Variants in CLDN1 observed in about 807,000 individuals in gnomAD.
CLDN1 encodes the protein claudin-1.
In CLDN1, 12 loss-of-function variants were observed where a neutral mutation model predicts 22.6. The ratio of observed to expected loss-of-function variants is 0.53; its 90% CI spans 0.34 to 0.86. The LOEUF (loss-of-function observed/expected upper bound fraction) is 0.86, where lower values mean the gene tolerates loss of function less well. Ranked by LOEUF, CLDN1 falls within the 40% of genes least tolerant of loss-of-function variation. The pLI is 0.02. For synonymous variants in CLDN1, 99 were observed against 103.8 expected (o/e 0.95, Z 0.28); for missense variants, 250 against 269.5 (o/e 0.93, Z 0.51).
chr3:190,308,894 A>C (rs1035036854), intron 3 of CLDN1, among the ~76,000 whole-genome samples: 1 of 152,188 alleles, frequency 6.6e-6, no homozygotes, highest in South Asian at 2.1e-4. Context: ...GCACCTATAC[A>C]ATCTGAAATC....
chr3:190,313,473 T>C (rs185811082), intron 1 of CLDN1, among the ~76,000 whole-genome samples: 1 of 152,332 alleles, frequency 6.6e-6, no homozygotes, highest in Admixed American at 6.5e-5. Context: ...TCTTTGATAT[T>C]AGTCACCAGC....
intron 3 of CLDN1, among the ~76,000 whole-genome samples, chr3:190,309,064 T>C (rs1195797007): frequency 6.6e-6 from 1 of 152,142 alleles, no homozygotes; most frequent in Non-Finnish European, 1.5e-5. Context: ...TTCTATAAGT[T>C]ATAAGGCCAA....
intron 2 of CLDN1, among the ~76,000 whole-genome samples, chr3:190,312,189 C>T (rs1272649923): frequency 6.6e-6 from 1 of 151,682 alleles, no homozygotes; most frequent in Non-Finnish European, 1.5e-5. Flanking sequence ...CCTCAGCCTC[C>T]AAAAGTGCTG....
chr3:190,322,224 G>C lies in CLDN1; in HGVS notation c.-18C>G. On this transcript the variant is annotated 5_prime_UTR_variant, in exon 1 of 4. Transcript: ENST00000295522. ...TTGGCCATGACTCGCTCGGGCGCCC[G>C]CGCTGGCTCAGGGGTGGCAGGTGCA... 2 of 1,611,380 alleles carry C rather than the reference G, an allele frequency of 1.2e-6. No individual in the cohort carries two copies. The highest frequency in any genetic ancestry group is 1.7e-6 in the Non-Finnish European group (2 of 1,178,834).
chr3:190,315,678 T>G (rs1716746452), intron 1 of CLDN1, among the ~76,000 whole-genome samples: 1 of 152,234 alleles, frequency 6.6e-6, no homozygotes. Context: ...AGATGTTTTC[T>G]CTGATCTTGC....
intron 1 of CLDN1, among the ~76,000 whole-genome samples, chr3:190,314,493 CAA>C (rs1199851866): frequency 6.6e-6 from 1 of 151,924 alleles, no homozygotes; most frequent in Non-Finnish European, 1.5e-5. Flanking sequence ...CTCTGGGGCT[CAA>C]GCGATTCTCA....
At chr3:190,309,504 G>A (rs1194958551) in intron 3 of CLDN1, among the ~76,000 whole-genome samples, 4 of 152,168 alleles carry the variant, frequency 2.6e-5, no homozygotes, top group Non-Finnish European at 5.9e-5. Context: ...ACTGAATGTA[G>A]TTATTAGGCA....
intron 3 of CLDN1, among the ~76,000 whole-genome samples, chr3:190,309,598 TTGCACAACC>T (rs1185416246): frequency 6.6e-6 from 1 of 152,230 alleles, no homozygotes; most frequent in African/African-American, 2.4e-5. Flanking sequence ...TCAGCTCAAC[TTGCACAACC>T]TGCAGTATTA....
intron 1 of CLDN1, among the ~76,000 whole-genome samples, chr3:190,319,262 A>T (rs1328017794): frequency 6.6e-6 from 1 of 152,224 alleles, no homozygotes; most frequent in African/African-American, 2.4e-5. Flanking sequence ...CTACAACTGT[A>T]TCTGGCACTT....
intron 1 of CLDN1, among the ~76,000 whole-genome samples, chr3:190,317,635 A>G (rs1716805353): frequency 6.6e-6 from 1 of 152,200 alleles, no homozygotes; most frequent in Admixed American, 6.5e-5. Flanking sequence ...TCTATATATC[A>G]TAAACAAAAT....
At chr3:190,320,300 T>C (rs766248217) in intron 1 of CLDN1, among the ~76,000 whole-genome samples, 9 of 152,210 alleles carry the variant, frequency 5.9e-5, no homozygotes, top group Non-Finnish European at 1.0e-4. Context: ...GGAATAAAAC[T>C]GACAGTGAGA....
At chr3:190,309,977 C>T (rs937095607) in intron 3 of CLDN1, among the ~76,000 whole-genome samples, 192 bp downstream of exon 3, 6 of 152,140 alleles carry the variant, frequency 3.9e-5, no homozygotes, top group African/African-American at 9.7e-5. Context: ...GGTATTTTGT[C>T]ATCAATACAG....
chr3:190,322,003 G>A lies in CLDN1; in HGVS notation c.204C>T (p.Asp68=), dbSNP rs750708776. 2 of 1,614,192 alleles carry A rather than the reference G, an allele frequency of 1.2e-6. No individual in the cohort carries two copies. The highest frequency in any genetic ancestry group is 1.7e-6 in the Non-Finnish European group (2 of 1,180,026). The part of the protein sequence containing the change: ...STGQIQCKVF[D]SLLNLSSTLQ... ...ACTCACTGCTCAGATTCAGCAAGGA[G>A]TCAAAGACTTTGCACTGGATCTGCC... Residue 68 remains aspartate (D), a synonymous_variant, in exon 1 of 4, where the codon GAC becomes GAT. Coordinates refer to ENST00000295522, the MANE Select transcript of CLDN1 (RefSeq NM_021101.5).
intron 1 of CLDN1, among the ~76,000 whole-genome samples, chr3:190,315,650 C>G (rs1056436949): frequency 6.6e-6 from 1 of 152,146 alleles, no homozygotes. Flanking sequence ...TCTTTTTCAA[C>G]CTTTTATTAA....
At chr3:190,313,888 A>G (rs1048971340) in intron 1 of CLDN1, among the ~76,000 whole-genome samples, 7 of 152,280 alleles carry the variant, frequency 4.6e-5, no homozygotes, top group Admixed American at 4.6e-4. Context: ...AAGAGTAAAA[A>G]CTTGATGCCA....
At chr3:190,309,679 G>A (rs1716559326) in intron 3 of CLDN1, among the ~76,000 whole-genome samples, 1 of 152,094 alleles carries the variant, frequency 6.6e-6, no homozygotes, top group South Asian at 2.1e-4. Context: ...TTTCAAGGTG[G>A]TATCTGAACA....
chr3:190,312,888 C>T lies in CLDN1; in HGVS notation c.372G>A (p.Ala124=), dbSNP rs545795665. 14 of 1,614,068 alleles carry T rather than the reference C, an allele frequency of 8.7e-6. No homozygotes were observed. The highest frequency in any genetic ancestry group is 5.3e-5 in the African/African-American group (4 of 75,020). The change falls in exon 2 of 4, where the codon GCG becomes GCA. Residue 124 remains alanine (A), a synonymous_variant. Coordinates refer to ENST00000295522, the MANE Select transcript of CLDN1 (RefSeq NM_021101.5). ...QKMRMAVIGG[A]IFLLAGLAIL... ...CTCTATTACCTGCAAGAAGAAATATCGCACCCCCAATGACAGCCATCCTCA... is the reference window on the plus strand; with the variant it reads ...CTCTATTACCTGCAAGAAGAAATATTGCACCCCCAATGACAGCCATCCTCA...
At position 190,308,368 on chromosome 3, in the gene CLDN1, A is replaced by C; in HGVS notation, c.545T>G (p.Leu182Arg). Residue 182 changes from leucine to arginine, a missense_variant, in exon 4 of 4, where the codon CTT (leucine) becomes CGT (arginine). Transcript: ENST00000295522. ...TGTTTTTCGGGGACAGGAACAGCAA[A>C]GTAGGGCACCTCCCAGAAGGCAGAG... Reference protein sequence around the residue: ...ASLCLLGGALLCCSCPRKTTS... With the variant: ...ASLCLLGGALRCCSCPRKTTS... The C allele has an allele frequency of 6.2e-7, 1 of 1,613,920 alleles. No individual in the cohort carries two copies. Among genetic ancestry groups the C allele is most frequent in the Non-Finnish European group, 8.5e-7 (1 of 1,179,896 alleles).
intron 2 of CLDN1, among the ~76,000 whole-genome samples, chr3:190,311,239 G>A (rs1022487610): frequency 6.6e-6 from 1 of 152,188 alleles, no homozygotes; most frequent in Non-Finnish European, 1.5e-5. Flanking sequence ...GCAAGCGAAG[G>A]AAGAATGCAA....
Sources: gnomAD v4.1 joint callset for allele counts (sites outside exome capture counted in the v4.1 genomes callset) on GRCh38, gnomAD v4.1.1 for gene constraint, MANE v1.5 for transcripts, NCBI Gene and HGNC (gene_info 2026-07-23, HGNC 2026-07-21) for gene names.